The following ROR1 variants were observed in gnomAD, a reference collection of about 807,000 sequenced individuals.
ROR1 encodes the protein ROR family WNT receptor 1.
In ROR1, 19 loss-of-function variants were observed where a neutral mutation model predicts 78.8. The ratio of observed to expected loss-of-function variants is 0.24; its 90% CI spans 0.17 to 0.35. ROR1 has a LOEUF of 0.35. Among genes scored for constraint, ROR1 ranks in the 10% least tolerant of loss-of-function variants. The probability of loss-of-function intolerance (pLI) is 1.00; values close to 1 mark genes in which losing one functional copy is unlikely to be tolerated. For missense variants in ROR1, 917 were observed against 1,177.8 expected, an observed-to-expected ratio of 0.78 and a Z score of 3.24; for synonymous variants, 386 against 433.6, an observed-to-expected ratio of 0.89 and a Z score of 1.36.
chr1:63,791,062 G>A (rs1013126147), intron 1 of ROR1, among the ~76,000 whole-genome samples: 1 of 152,190 alleles, frequency 6.6e-6, no homozygotes, highest in Non-Finnish European at 1.5e-5. Flanking sequence ...GTGGGGAGGA[G>A]AGAAGCCTGG....
At chr1:63,931,036 C>T (rs928973949) in intron 1 of ROR1, among the ~76,000 whole-genome samples, 3 of 152,170 alleles carry the variant, frequency 2.0e-5, no homozygotes, top group Non-Finnish European at 1.5e-5. Context: ...GATCCCAACA[C>T]CTGGGGAGGC....
chr1:64,108,855 A>G (rs1441787737), intron 4 of ROR1, among the ~76,000 whole-genome samples: 1 of 151,600 alleles, frequency 6.6e-6, no homozygotes, highest in Non-Finnish European at 1.5e-5. Flanking sequence ...GGTCACCCTT[A>G]CAGGGTCGTA....
intron 1 of ROR1, among the ~76,000 whole-genome samples, chr1:63,826,756 A>G (rs552585913): frequency 6.6e-6 from 1 of 151,350 alleles, no homozygotes; most frequent in Non-Finnish European, 1.5e-5. Flanking sequence ...CAACCTCACA[A>G]TGGTACATTG....
chr1:63,924,506 A>T (rs907656349), intron 1 of ROR1, among the ~76,000 whole-genome samples: 4 of 152,132 alleles, frequency 2.6e-5, no homozygotes, highest in African/African-American at 9.6e-5. Flanking sequence ...TGGAAGAATC[A>T]CTCGTCTTCA....
chr1:63,795,619 G>A (rs1326039688), intron 1 of ROR1, among the ~76,000 whole-genome samples: 1 of 152,180 alleles, frequency 6.6e-6, no homozygotes, highest in Non-Finnish European at 1.5e-5. Flanking sequence ...GCCCTTTGGA[G>A]TGATTCTGAA....
Position 63,815,478 on chromosome 1 carries a change from C to CTTTTTTTTTTTTTTTTTTT in ROR1, c.91+40975_91+40976insTTTTTTTTTTTTTTTTTTT, listed in dbSNP as rs1446331528. Among the ~76,000 whole-genome samples, 208 of 103,404 alleles carry CTTTTTTTTTTTTTTTTTTT rather than the reference C, an allele frequency of 2.0e-3. 7 individuals are homozygous for CTTTTTTTTTTTTTTTTTTT. The highest frequency in any genetic ancestry group is 6.4e-3 in the South Asian group (21 of 3,292). The allele number at this position is 103,404 out of a possible 152,430, so 67.8% of individuals were successfully genotyped here. On this transcript the variant is annotated intron_variant, in intron 1 of 8. Coordinates refer to ENST00000371079, the MANE Select transcript of ROR1 (RefSeq NM_005012.4). ...TTTTCTTTTTCTTTTCTTTTCTTTT[C>CTTTTTTTTTTTTTTTTTTT]TTTTTCTTTTTTTTTTTTTTTTGAG... is the stretch of plus-strand genomic sequence containing the variant.
At chr1:64,087,777 C>G (rs1339856437) in intron 4 of ROR1, among the ~76,000 whole-genome samples, 3 of 152,150 alleles carry the variant, frequency 2.0e-5, no homozygotes, top group Non-Finnish European at 4.4e-5. Flanking sequence ...GAAAATGAAT[C>G]CTAATCCTTT....
chr1:64,018,319 G>T (rs948706619), intron 2 of ROR1, among the ~76,000 whole-genome samples: 1 of 152,262 alleles, frequency 6.6e-6, no homozygotes, highest in South Asian at 2.1e-4. Flanking sequence ...ACCTTTGCTT[G>T]TTGTGCTCTA....
chr1:63,930,668 T>C (rs2100443599), intron 1 of ROR1, among the ~76,000 whole-genome samples: 1 of 152,350 alleles, frequency 6.6e-6, no homozygotes, highest in Admixed American at 6.5e-5. Context: ...TCATATTTCC[T>C]GACCATCGCT....
At chr1:64,104,830 A>G (rs949100762) in intron 4 of ROR1, among the ~76,000 whole-genome samples, 3 of 152,184 alleles carry the variant, frequency 2.0e-5, no homozygotes, top group African/African-American at 7.2e-5. Context: ...CATGGTGTAT[A>G]TGTACCACAT....
chr1:64,084,926 T>C (rs527564386), intron 4 of ROR1, among the ~76,000 whole-genome samples: 7 of 152,324 alleles, frequency 4.6e-5, no homozygotes, highest in Non-Finnish European at 1.0e-4. Flanking sequence ...AGGAATGTCA[T>C]GAGAAGAGAT....
chr1:63,825,288 A>G (rs756116962), intron 1 of ROR1, among the ~76,000 whole-genome samples: 2 of 152,254 alleles, frequency 1.3e-5, no homozygotes, highest in African/African-American at 2.4e-5. Flanking sequence ...ATGTTCATCA[A>G]CTGGTGAATG....
chr1:63,996,057 G>A (rs1275751120), intron 1 of ROR1, among the ~76,000 whole-genome samples: 1 of 152,154 alleles, frequency 6.6e-6, no homozygotes, highest in African/African-American at 2.4e-5. Flanking sequence ...TATCACCTAT[G>A]CATTCAGAAA....
intron 1 of ROR1, among the ~76,000 whole-genome samples, chr1:63,957,017 T>C (rs909860458): frequency 7.2e-5 from 11 of 152,308 alleles, no homozygotes; most frequent in Middle Eastern, 3.4e-3. Context: ...ATTTAAGCCC[T>C]GGCATCTGGA....
chr1:64,087,319 G>A (rs1647162841), intron 4 of ROR1, among the ~76,000 whole-genome samples: 3 of 152,216 alleles, frequency 2.0e-5, no homozygotes, highest in African/African-American at 7.2e-5. Context: ...GGTAGTGGAA[G>A]GTTCACACCT....
chr1:63,836,936 T>C (rs1481963731), intron 1 of ROR1, among the ~76,000 whole-genome samples: 1 of 152,206 alleles, frequency 6.6e-6, no homozygotes, highest in Non-Finnish European at 1.5e-5. Flanking sequence ...GAAGTGTGTG[T>C]GCGTGTTTGA....
intron 4 of ROR1, among the ~76,000 whole-genome samples, chr1:64,083,757 G>A (rs1293734759): frequency 6.6e-6 from 1 of 151,984 alleles, no homozygotes; most frequent in African/African-American, 2.4e-5. Context: ...AGATATAAGG[G>A]GTGAGAGTGA....
At chr1:63,980,351 C>T (rs1373333124) in intron 1 of ROR1, among the ~76,000 whole-genome samples, 1 of 152,070 alleles carries the variant, frequency 6.6e-6, no homozygotes, top group African/African-American at 2.4e-5. Context: ...TCTTCAGTGA[C>T]ATTGTCATGA....
intron 1 of ROR1, among the ~76,000 whole-genome samples, chr1:63,962,378 A>T (rs1009905774): frequency 6.6e-6 from 1 of 152,280 alleles, no homozygotes; most frequent in Non-Finnish European, 1.5e-5. Flanking sequence ...GAATGTTATT[A>T]CAATGTGCCA....
Sources: allele counts gnomAD v4.1 joint callset (sites outside exome capture counted in the v4.1 genomes callset), GRCh38; gene constraint gnomAD v4.1.1; transcripts MANE v1.5; gene names NCBI Gene and HGNC (gene_info 2026-07-23, HGNC 2026-07-21).